The following BCL11B variants were observed in gnomAD, a reference collection of about 807,000 sequenced individuals.
The protein encoded by BCL11B is B-cell lymphoma/leukemia 11B.
In BCL11B, 8 loss-of-function variants were observed where a neutral mutation model predicts 49.9. The observed-to-expected ratio is 0.16, with a 90% CI of 0.09 to 0.29. The LOEUF (loss-of-function observed/expected upper bound fraction) is 0.29, where lower values mean the gene tolerates loss of function less well. Ranked by LOEUF, BCL11B falls within the 10% of genes least tolerant of loss-of-function variation. The pLI is 1.00. For synonymous variants in BCL11B, 739 were observed against 637.4 expected, an observed-to-expected ratio of 1.16 and a Z score of -2.40; for missense variants, 1,006 against 1,351.0, an observed-to-expected ratio of 0.74 and a Z score of 4.00.
Position 99,271,293 on chromosome 14 carries a change from C to T in BCL11B, c.-75G>A. On this transcript the variant is annotated 5_prime_UTR_variant, in exon 1 of 4. Transcript: ENST00000357195. ...GAGCCGGGGGAGGGGGTCCGAGCCG[C>T]CGCCGCGCCGCTGCCGCCGCTGCCG... 2.6e-6 allele frequency: 3 copies of T among 1,165,538 alleles called. No individual in the cohort carries two copies. Among genetic ancestry groups the T allele is most frequent in the Non-Finnish European group, 3.2e-6 (3 of 932,352 alleles). 72.2% of individuals were successfully genotyped at this position (1,165,538 alleles called of 1,614,324 possible).
intron 3 of BCL11B, among the ~76,000 whole-genome samples, chr14:99,207,214 T>G (rs964789553): frequency 6.6e-6 from 1 of 152,168 alleles, no homozygotes; most frequent in Non-Finnish European, 1.5e-5. Flanking sequence ...TATTACTGGT[T>G]TACTTAAAGC....
In BCL11B at chr14:99,184,895, T is replaced by C. The variant is rs1392300726; in HGVS notation, c.641-8700A>G. ...GGTGAGCTGTGCGGCTTCATCTGCCTGGACTTAATTCAGGCTTTGAGAAAA... is the reference window on the plus strand; with the variant it reads ...GGTGAGCTGTGCGGCTTCATCTGCCCGGACTTAATTCAGGCTTTGAGAAAA... On this transcript the variant is annotated intron_variant, in intron 3 of 3. Coordinates refer to ENST00000357195, the MANE Select transcript of BCL11B (RefSeq NM_138576.4). This position sits in a 1 kb window ranked among gnomAD's most constrained non-coding sequence, Gnocchi z 6.1. Among the ~76,000 whole-genome samples the C allele has an allele frequency of 6.6e-6, 1 of 152,216 alleles. No homozygotes were observed. Among genetic ancestry groups the C allele is most frequent in the Non-Finnish European group, 1.5e-5 (1 of 68,036 alleles).
chr14:99,218,395 C>A (rs1022770962), intron 3 of BCL11B, among the ~76,000 whole-genome samples: 2 of 151,842 alleles, frequency 1.3e-5, no homozygotes, highest in African/African-American at 4.8e-5. Context: ...TTTTTTTAAG[C>A]CATCTCCCCG....
rs990532488 is a variant in BCL11B at position 99,241,489 on chromosome 14, C to A, written c.428-9932G>T. Among the ~76,000 whole-genome samples the A allele has an allele frequency of 2.0e-5, 3 of 151,908 alleles. No individual in the cohort carries two copies. Among genetic ancestry groups the A allele is most frequent in the African/African-American group, 4.8e-5 (2 of 41,344 alleles). ...CCAAAAGAAAAAGAAAAAAAAAAATCTTCGCACCACATCACCAAAATGGCA... is the reference window on the plus strand; with the variant it reads ...CCAAAAGAAAAAGAAAAAAAAAAATATTCGCACCACATCACCAAAATGGCA... On this transcript the variant is annotated intron_variant, in intron 2 of 3. Transcript: ENST00000357195. The surrounding 1 kb of genome is among the most constrained non-coding windows in gnomAD (Gnocchi z 4.4).
chr14:99,258,636 C>T (rs1313312282), intron 1 of BCL11B, among the ~76,000 whole-genome samples: 6 of 152,162 alleles, frequency 3.9e-5, no homozygotes, highest in Non-Finnish European at 7.4e-5. Flanking sequence ...AGGCTGGAAC[C>T]GGCTTGCAGA....
intron 2 of BCL11B, among the ~76,000 whole-genome samples, chr14:99,237,443 G>C (rs1888535799): frequency 6.6e-6 from 1 of 152,164 alleles, no homozygotes; most frequent in Non-Finnish European, 1.5e-5. Context: ...GAGGGAGTGG[G>C]TGTGCCACGT....
At chr14:99,197,739 C>T (rs768423065) in intron 3 of BCL11B, among the ~76,000 whole-genome samples, 2 of 152,176 alleles carry the variant, frequency 1.3e-5, no homozygotes, top group Admixed American at 1.3e-4. Context: ...AGAAACGAAG[C>T]AGACAGACGG....
At chr14:99,209,099 G>A (rs1887616721) in intron 3 of BCL11B, among the ~76,000 whole-genome samples, 1 of 152,136 alleles carries the variant, frequency 6.6e-6, no homozygotes, top group Non-Finnish European at 1.5e-5. Context: ...CTGAGACCTG[G>A]TTACAACCCC....
intron 2 of BCL11B, among the ~76,000 whole-genome samples, chr14:99,243,185 A>C (rs1888720137): frequency 6.6e-6 from 1 of 152,156 alleles, no homozygotes; most frequent in Admixed American, 6.5e-5. Flanking sequence ...TGACAGTCCC[A>C]ACAATAACAA....
At chr14:99,234,210 G>T (rs570186661) in intron 2 of BCL11B, among the ~76,000 whole-genome samples, 10 of 152,260 alleles carry the variant, frequency 6.6e-5, no homozygotes, top group African/African-American at 2.4e-4. Flanking sequence ...GGGGGGTGAT[G>T]AAAATGCTCG....
chr14:99,266,907 C>T (rs1889499876), intron 1 of BCL11B, among the ~76,000 whole-genome samples: 1 of 152,214 alleles, frequency 6.6e-6, no homozygotes, highest in South Asian at 2.1e-4. Flanking sequence ...TGGTGCAAGC[C>T]GTGTTCTAAG....
intron 2 of BCL11B, among the ~76,000 whole-genome samples, chr14:99,240,772 C>T (rs964559914): frequency 2.0e-5 from 3 of 152,200 alleles, no homozygotes; most frequent in Non-Finnish European, 4.4e-5. Flanking sequence ...ATTAACACTT[C>T]GCGGGACTAA....
chr14:99,252,540 C>G (rs1010257616), intron 2 of BCL11B, among the ~76,000 whole-genome samples: 1 of 152,202 alleles, frequency 6.6e-6, no homozygotes, highest in East Asian at 1.9e-4. Flanking sequence ...CAAACCAAAC[C>G]CTTATCTGTG....
chr14:99,264,467 C>T (rs1247827808), intron 1 of BCL11B: 2 of 151,280 alleles, frequency 1.3e-5, no homozygotes, highest in Admixed American at 1.3e-4. Flanking sequence ...TGGAAGGGGG[C>T]CATAAAAAAG....
In BCL11B at chr14:99,224,049, G is replaced by A. The variant is rs148769658; in HGVS notation, c.640+7296C>T. Among the ~76,000 whole-genome samples, 23 of 152,332 alleles carry A rather than the reference G, an allele frequency of 1.5e-4. No homozygotes were observed. The East Asian group carries it at 2.3e-3, about 15-fold the overall frequency. On this transcript the variant is annotated intron_variant, in intron 3 of 3. Coordinates refer to ENST00000357195, the MANE Select transcript of BCL11B (RefSeq NM_138576.4). ...CAAGGACCCCGTCATGCCCATTTCC[G>A]GATCCCTCAGTCCAGCCCAGGGTCT... is the stretch of plus-strand genomic sequence containing the variant.
In BCL11B at chr14:99,178,492, C is replaced by CCA. The variant is rs552187939; in HGVS notation, c.641-2299_641-2298dup. Among the ~76,000 whole-genome samples, 332 of 152,308 alleles carry CCA rather than the reference C, an allele frequency of 2.2e-3. 1 individual carries two copies. Among genetic ancestry groups the CCA allele is most frequent in the African/African-American group, 7.8e-3 (323 of 41,576 alleles). ...TTCTCCCTGTAAGGCCACCCCAACACCACAGCCCTCCTGCTCTGTGCACTC... is the reference window on the plus strand; with the variant it reads ...TTCTCCCTGTAAGGCCACCCCAACACCACACAGCCCTCCTGCTCTGTGCACTC... On this transcript the variant is annotated intron_variant, in intron 3 of 3. Transcript: ENST00000357195.
At chr14:99,269,809 AT>A (rs1172011507) in intron 1 of BCL11B, among the ~76,000 whole-genome samples, 1 of 133,538 alleles carries the variant, frequency 7.5e-6, no homozygotes, top group Non-Finnish European at 1.5e-5. Flanking sequence ...TGCGCGGCGG[AT>A]TGCAAGCATA....
chr14:99,236,308 A>G (rs1313996617), intron 2 of BCL11B, among the ~76,000 whole-genome samples: 1 of 152,212 alleles, frequency 6.6e-6, no homozygotes, highest in Non-Finnish European at 1.5e-5. Context: ...TAAGGATGAT[A>G]GAAAAAAAAT....
intron 3 of BCL11B, among the ~76,000 whole-genome samples, chr14:99,216,136 CAGAG>C (rs1323946078): frequency 6.6e-6 from 1 of 152,232 alleles, no homozygotes; most frequent in Non-Finnish European, 1.5e-5. Flanking sequence ...CACAATGTAA[CAGAG>C]AAAGACTCTA....
Sources: allele counts gnomAD v4.1 joint callset (sites outside exome capture counted in the v4.1 genomes callset), GRCh38; gene constraint gnomAD v4.1.1; non-coding constraint Gnocchi (gnomAD v3.1); transcripts MANE v1.5; gene names NCBI Gene and HGNC (gene_info 2026-07-23, HGNC 2026-07-21).